The following HKDC1 variants were observed in gnomAD, a reference collection of about 807,000 sequenced individuals.
The protein encoded by HKDC1 is hexokinase domain containing 1, also known as hexokinase HKDC1.
In HKDC1, 66 loss-of-function variants were observed where a neutral mutation model predicts 96.6. That is an observed-to-expected ratio of 0.68 (90% CI 0.56 to 0.84). HKDC1 has a LOEUF of 0.84. HKDC1 is among the 40% of genes least tolerant of loss of function. HKDC1 has a pLI of 0.00. For missense variants in HKDC1, 1,211 were observed against 1,208.1 expected (o/e 1.00, Z -0.04); for synonymous variants, 466 against 473.1 (o/e 0.98, Z 0.20).
At chr10:69,257,930 G>A (rs1642048303) in intron 14 of HKDC1, among the ~76,000 whole-genome samples, 1 of 152,134 alleles carries the variant, frequency 6.6e-6, no homozygotes, top group African/African-American at 2.4e-5. Context: ...TAGATTCTAG[G>A]GGGATGTTCT....
At chr10:69,229,342 C>G (rs759409090) in intron 2 of HKDC1, among the ~76,000 whole-genome samples, 13 of 152,232 alleles carry the variant, frequency 8.5e-5, no homozygotes, top group Non-Finnish European at 1.8e-4. Context: ...CCTGTGCCCT[C>G]ACTTGTGGGT....
At chr10:69,263,066 T>C (rs998508390) in intron 16 of HKDC1, among the ~76,000 whole-genome samples, 3 of 152,100 alleles carry the variant, frequency 2.0e-5, no homozygotes, top group Non-Finnish European at 4.4e-5. Context: ...TCTGTTGTTG[T>C]TTTGTTTTTG....
chr10:69,257,513 TC>T, intron 14 of HKDC1, 87 bp downstream of exon 14: 1 of 1,068,570 alleles, frequency 9.4e-7, no homozygotes, highest in Non-Finnish European at 1.5e-6. Flanking sequence ...TGGGCATTGT[TC>T]CATTATACAG....
rs756719016 is a variant in HKDC1, at chr10:69,257,046, T to G, written c.1847T>G (p.Ile616Arg). ...RQMSIDKGTL[I>R]GWTKGFKATD... ...CCTCCTTTCTTTCAGGGAACACTCA[T>G]AGGGTGGACCAAAGGTTTCAAGGCC... is the stretch of plus-strand genomic sequence containing the variant. The change falls in exon 13 of 18, where the codon ATA becomes AGA. Residue 616 changes from isoleucine (I) to arginine (R), a missense_variant. Ile to Arg is a moderately conservative substitution (Grantham distance 97). Transcript: ENST00000354624. 2 of 1,613,620 alleles carry G rather than the reference T, an allele frequency of 1.2e-6. No homozygotes were observed. The highest frequency in any genetic ancestry group is 1.7e-6 in the Non-Finnish European group (2 of 1,179,680).
Position 69,247,402 on chromosome 10 carries a change from C to T in HKDC1, c.1074C>T (p.Asp358=), listed in dbSNP as rs1410964070. 4 of 1,613,924 alleles carry T rather than the reference C, an allele frequency of 2.5e-6. No individual in the cohort carries two copies. Among genetic ancestry groups the T allele is most frequent in the Admixed American group, 1.7e-5 (1 of 59,998 alleles). ...CTAATACAAGAGAGATCCTGGTGGA[C>T]CTGGGTCTGGAACCGTCTGAGGCTG... The part of the protein sequence containing the change: ...GLANTREILV[D]LGLEPSEADC... Residue 358 remains aspartate (D), a synonymous_variant, in exon 9 of 18, where the codon GAC becomes GAT. Transcript: ENST00000354624.
intron 2 of HKDC1, among the ~76,000 whole-genome samples, chr10:69,229,454 C>T (rs72812190): frequency 0.13 from 19,062 of 152,202 alleles, 1,550 homozygotes; most frequent in Middle Eastern, 0.28. Flanking sequence ...CACAGCTTGA[C>T]GAGAGTACTG....
chr10:69,222,862 G>A (rs963254325), intron 1 of HKDC1: 3 of 152,186 alleles, frequency 2.0e-5, no homozygotes, highest in Non-Finnish European at 2.9e-5. Flanking sequence ...CTCCCAACAC[G>A]TGGTGGAAAC....
chr10:69,266,457 C>T, intron 17 of HKDC1, among the ~76,000 whole-genome samples, 153 bp from the exon 18 acceptor site: 1 of 62,166 alleles, frequency 1.6e-5, no homozygotes. Flanking sequence ...AGAGTGAGAC[C>T]ATGTCTAAAA....
At chr10:69,266,503 G>T in intron 17 of HKDC1, 107 bp from the exon 18 acceptor site, 39 of 1,171,976 alleles carry the variant, frequency 3.3e-5, no homozygotes, top group Non-Finnish European at 4.1e-5. Flanking sequence ...TTAGAGCCTT[G>T]AAAAGCAAAC....
Position 69,247,699 on chromosome 10 carries a change from C to T in HKDC1, c.1265+106C>T, listed in dbSNP as rs76105481. On this transcript the variant is annotated intron_variant, in intron 9 of 17. Coordinates refer to ENST00000354624, the MANE Select transcript of HKDC1 (RefSeq NM_025130.4). ...TATCTGGGGTCTGGAACCAACAACC[C>T]CTCTTGTTGGTTCTGAGATTACAAG... is the stretch of plus-strand genomic sequence containing the variant. The T allele has an allele frequency of 4.5e-4, 363 of 804,174 alleles. 1 individual carries two copies. In the African/African-American group the frequency reaches 5.8e-3, roughly 13 times the overall value. 49.8% of individuals were successfully genotyped at this position (804,174 alleles called of 1,614,324 possible). A position where few individuals can be genotyped will look rare whatever the true frequency, so the allele number is the denominator to read the frequency against.
intron 2 of HKDC1, among the ~76,000 whole-genome samples, chr10:69,229,222 G>C (rs1009274218): frequency 2.6e-5 from 4 of 152,198 alleles, no homozygotes; most frequent in African/African-American, 9.7e-5. Context: ...GAGCTCTCAG[G>C]GGGCTTTGAT....
Position 69,247,481 on chromosome 10 carries a change from C to A in HKDC1, c.1153C>A (p.Leu385Ile). 6.2e-7 allele frequency: 1 copy of A among 1,614,188 alleles called. No homozygotes were observed. The highest frequency in any genetic ancestry group is 8.5e-7 in the Non-Finnish European group (1 of 1,180,040). The change falls in exon 9 of 18, where the codon CTC becomes ATC. Residue 385 changes from leucine (L) to isoleucine (I), a missense_variant. By Grantham distance (5) the Leu-to-Ile change is conservative. Coordinates refer to ENST00000354624, the MANE Select transcript of HKDC1 (RefSeq NM_025130.4). ...CATCGTCTCCTTCCGCTCGGCCAATCTCTGTGCAGCAGCTCTGGCGGCCAT... is the reference window on the plus strand; with the variant it reads ...CATCGTCTCCTTCCGCTCGGCCAATATCTGTGCAGCAGCTCTGGCGGCCAT... Reference protein sequence around the residue: ...CTIVSFRSANLCAAALAAILT... With the variant: ...CTIVSFRSANICAAALAAILT...
chr10:69,226,952 C>A (rs1476165933), intron 1 of HKDC1, among the ~76,000 whole-genome samples: 4 of 152,134 alleles, frequency 2.6e-5, no homozygotes, highest in Non-Finnish European at 5.9e-5. Context: ...ATGGGAGAAT[C>A]ATTTTCTCCT....
intron 2 of HKDC1, among the ~76,000 whole-genome samples, chr10:69,229,146 C>T (rs1419008468): frequency 6.6e-6 from 1 of 152,198 alleles, no homozygotes; most frequent in Middle Eastern, 3.2e-3. Context: ...TGTCAGGGTC[C>T]CAGTGCCCAA....
rs1307920981 is a variant in HKDC1 at position 69,247,471 on chromosome 10, C to T, written c.1143C>T (p.Arg381=). 1.9e-6 allele frequency: 3 copies of T among 1,614,190 alleles called. No homozygotes were observed. Among genetic ancestry groups the T allele is most frequent in the South Asian group, 2.2e-5 (2 of 91,082 alleles). ...ATGTCTGTACCATCGTCTCCTTCCGCTCGGCCAATCTCTGTGCAGCAGCTC... is the reference window on the plus strand; with the variant it reads ...ATGTCTGTACCATCGTCTCCTTCCGTTCGGCCAATCTCTGTGCAGCAGCTC... The part of the protein sequence containing the change: ...VQHVCTIVSF[R]SANLCAAALA... The change falls in exon 9 of 18, where the codon CGC becomes CGT. Residue 381 remains arginine (R), a synonymous_variant. Coordinates refer to ENST00000354624, the MANE Select transcript of HKDC1 (RefSeq NM_025130.4).
chr10:69,235,942 TC>T (rs1843353743), intron 4 of HKDC1, among the ~76,000 whole-genome samples: 2 of 152,146 alleles, frequency 1.3e-5, no homozygotes, highest in African/African-American at 4.8e-5. Context: ...GATATGATTA[TC>T]TTCATTCTAT....
intron 1 of HKDC1, chr10:69,223,194 T>G (rs191135656): frequency 6.6e-6 from 1 of 152,194 alleles, no homozygotes; most frequent in Non-Finnish European, 1.5e-5. Context: ...ACAGGAGAAC[T>G]GGGAGGTTTT....
At chr10:69,240,451 T>C (rs1456068704) in intron 5 of HKDC1, among the ~76,000 whole-genome samples, 1 of 152,108 alleles carries the variant, frequency 6.6e-6, no homozygotes, top group Non-Finnish European at 1.5e-5. Context: ...GAGGATGGGC[T>C]CCCCTCTTCA....
chr10:69,256,996 CA>C, intron 12 of HKDC1, 39 bp from the exon 13 acceptor site: 3 of 1,510,678 alleles, frequency 2.0e-6, no homozygotes, highest in Non-Finnish European at 1.8e-6. Flanking sequence ...GTGGCCCTAG[CA>C]AACTATTGCT....
Sources: gnomAD v4.1 joint callset for allele counts (sites outside exome capture counted in the v4.1 genomes callset) on GRCh38, gnomAD v4.1.1 for gene constraint, MANE v1.5 for transcripts, NCBI Gene and HGNC (gene_info 2026-07-23, HGNC 2026-07-21) for gene names.